Variants in TMEM255B observed in about 807,000 individuals in gnomAD.
TMEM255B encodes the protein transmembrane protein 255B, also known as family with sequence similarity 70, member B.
In TMEM255B, 35 loss-of-function variants were observed where a neutral mutation model predicts 34.5. That is an observed-to-expected ratio of 1.01 (90% CI 0.77 to 1.34). The LOEUF is 1.34. Ranked by LOEUF, TMEM255B falls within the 40% of genes most tolerant of loss-of-function variation. The probability of loss-of-function intolerance (pLI) is 0.00; values close to 1 mark genes in which losing one functional copy is unlikely to be tolerated. For synonymous variants in TMEM255B, 206 were observed against 201.2 expected (o/e 1.02, Z -0.20); for missense variants, 432 against 433.2 (o/e 1.00, Z 0.02).
chr13:113,799,490 G>T lies in TMEM255B; in HGVS notation c.423+71G>T, dbSNP rs1486280321. ...CCGCCGACCCCACGCGGTTTTCCCT[G>T]CACATAGGCGTGGTCTGAATATTTT... On this transcript the variant is annotated intron_variant, in intron 5 of 8. Transcript: ENST00000375353. 1.3e-5 allele frequency: 19 copies of T among 1,408,186 alleles called. No individual in the cohort carries two copies. In the East Asian group the frequency reaches 4.4e-4, roughly 32 times the overall value. The allele number at this position is 1,408,186 out of a possible 1,614,324, so 87.2% of individuals were successfully genotyped here.
intron 3 of TMEM255B, among the ~76,000 whole-genome samples, chr13:113,785,941 C>G (rs1009172547): frequency 6.6e-6 from 1 of 152,180 alleles, no homozygotes; most frequent in Admixed American, 6.5e-5. Flanking sequence ...TGGGCCAGAC[C>G]GTTTGATTCC....
rs1275078437 is a variant in TMEM255B, at chr13:113,804,932, C to T, written c.717C>T (p.Thr239=). 1 of 1,605,290 alleles carries T rather than the reference C, an allele frequency of 6.2e-7. No homozygotes were observed. The highest frequency in any genetic ancestry group is 2.2e-5 in the East Asian group (1 of 44,854). ...LAYGPAVPPQ[T]LYNPAQQILA... ...ATGGCCCAGCCGTCCCACCACAGACCCTCTACAACCCCGCCCAGCAGATCC... is the reference window on the plus strand; with the variant it reads ...ATGGCCCAGCCGTCCCACCACAGACTCTCTACAACCCCGCCCAGCAGATCC... The change falls in exon 8 of 9, where the codon ACC becomes ACT. Residue 239 remains threonine, a synonymous_variant. Coordinates refer to ENST00000375353, the MANE Select transcript of TMEM255B (RefSeq NM_182614.4).
chr13:113,768,511 G>GGCCCCCTCTGTGCCTGGCCCAGGT lies in TMEM255B; in HGVS notation c.190-568_190-545dup, dbSNP rs1054657320. On this transcript the variant is annotated intron_variant, in intron 2 of 8. Transcript: ENST00000375353. ...CCTGGTGGCCTGTGCTGCAGCCCGG[G>GGCCCCCTCTGTGCCTGGCCCAGGT]GCCCCCTCTGTGCCTGGCCCAGGTG... Among the ~76,000 whole-genome samples the GGCCCCCTCTGTGCCTGGCCCAGGT allele has an allele frequency of 5.3e-4, 81 of 152,228 alleles. No homozygotes were observed. In the East Asian group the frequency reaches 0.011, roughly 21 times the overall value.
chr13:113,808,106 CAAT>C (rs1566335291), intron 8 of TMEM255B, among the ~76,000 whole-genome samples: 1 of 152,126 alleles, frequency 6.6e-6, no homozygotes, highest in African/African-American at 2.4e-5. Flanking sequence ...CTCAGAAGAA[CAAT>C]GGAGGAGGGG....
chr13:113,782,455 T>A (rs9577903), intron 3 of TMEM255B, among the ~76,000 whole-genome samples: 62,464 of 152,124 alleles, frequency 0.41, 14,126 homozygotes, highest in East Asian at 0.72. Context: ...TTATGAAAAC[T>A]GTGGTAATCA....
chr13:113,791,069 A>T (rs2050825336), intron 3 of TMEM255B, among the ~76,000 whole-genome samples: 1 of 152,236 alleles, frequency 6.6e-6, no homozygotes, highest in Non-Finnish European at 1.5e-5. Flanking sequence ...GGATGCTCTA[A>T]CAATTCGGTG....
chr13:113,777,201 G>A (rs935341317), intron 3 of TMEM255B, among the ~76,000 whole-genome samples: 4 of 152,116 alleles, frequency 2.6e-5, no homozygotes, highest in Non-Finnish European at 5.9e-5. Flanking sequence ...CGGAGCCTCG[G>A]CATCTGTTAG....
chr13:113,768,103 G>T (rs746523029), intron 2 of TMEM255B: 1 of 434,598 alleles, frequency 2.3e-6, no homozygotes, highest in African/African-American at 2.0e-5. Flanking sequence ...TTGACACCAC[G>T]GCCCCAGCAA....
At chr13:113,785,648 G>A (rs1381986161) in intron 3 of TMEM255B, among the ~76,000 whole-genome samples, 1 of 152,222 alleles carries the variant, frequency 6.6e-6, no homozygotes, top group Non-Finnish European at 1.5e-5. Flanking sequence ...GCTTTCCCTG[G>A]TTTTGAAACC....
intron 4 of TMEM255B, among the ~76,000 whole-genome samples, chr13:113,797,927 T>G (rs1285997677): frequency 6.6e-6 from 1 of 152,260 alleles, no homozygotes; most frequent in Non-Finnish European, 1.5e-5. Flanking sequence ...GGGTCTGTCT[T>G]CTTCACTAGT....
chr13:113,812,299 C>T lies in TMEM255B; in HGVS notation c.*396C>T, dbSNP rs9577862. 0.087 allele frequency: 18,991 copies of T among 218,584 alleles called. 993 individuals are homozygous for T. The highest frequency in any genetic ancestry group is 0.15 in the Admixed American group (2,836 of 19,302). The allele number at this position is 218,584 out of a possible 1,614,324, so 13.5% of individuals were successfully genotyped here. Reference sequence around the variant, plus strand: ...TTGTGGACATGTGTTGTGCGTTACACGTTCGTGTGTGCATCTGTGTCCTGG... The same window carrying T: ...TTGTGGACATGTGTTGTGCGTTACATGTTCGTGTGTGCATCTGTGTCCTGG... On this transcript the variant is annotated 3_prime_UTR_variant, in exon 9 of 9. Coordinates refer to ENST00000375353, the MANE Select transcript of TMEM255B (RefSeq NM_182614.4).
At position 113,813,629 on chromosome 13, in the gene TMEM255B, T is replaced by C. The variant is rs566469729; in HGVS notation, c.*1726T>C. The C allele has an allele frequency of 1.3e-5, 2 of 152,242 alleles. No individual in the cohort carries two copies. Among genetic ancestry groups the C allele is most frequent in the South Asian group, 4.2e-4 (2 of 4,818 alleles). 9.4% of individuals were successfully genotyped at this position (152,242 alleles called of 1,614,324 possible). ...TCCCTCTGCCCGACGGAGGGTCTCA[T>C]CCTGTGTCCAGCGCTCCTGGGCAGA... On this transcript the variant is annotated 3_prime_UTR_variant, in exon 9 of 9. Coordinates refer to ENST00000375353, the MANE Select transcript of TMEM255B (RefSeq NM_182614.4).
At position 113,770,096 on chromosome 13, in the gene TMEM255B, C is replaced by T. The variant is rs921527246; in HGVS notation, c.252+936C>T. ...TTTTCACACTGCTGATAAAGACGTA[C>T]CCAAGACTGGGCAGTTTACAAAAGA... On this transcript the variant is annotated intron_variant, in intron 3 of 8. Coordinates refer to ENST00000375353, the MANE Select transcript of TMEM255B (RefSeq NM_182614.4). The surrounding 1 kb of genome is among the most constrained non-coding windows in gnomAD (Gnocchi z 4.6). Among the ~76,000 whole-genome samples, 2 of 152,150 alleles carry T rather than the reference C, an allele frequency of 1.3e-5. No homozygotes were observed. Among genetic ancestry groups the T allele is most frequent in the Non-Finnish European group, 2.9e-5 (2 of 68,036 alleles).
chr13:113,773,701 G>A (rs75522782), intron 3 of TMEM255B, among the ~76,000 whole-genome samples: 2,213 of 152,284 alleles, frequency 0.015, 62 homozygotes, highest in African/African-American at 0.049. Flanking sequence ...TAATACTTGT[G>A]GTAGCTGGAA....
chr13:113,763,486 G>A (rs1010747300), intron 1 of TMEM255B, among the ~76,000 whole-genome samples: 2 of 151,928 alleles, frequency 1.3e-5, no homozygotes, highest in African/African-American at 4.8e-5. Context: ...CCTGTCTCTC[G>A]GGCAAACGAC....
Position 113,804,992 on chromosome 13 carries a change from C to G in TMEM255B, c.777C>G (p.Pro259=), listed in dbSNP as rs9577888. The change falls in exon 8 of 9, where the codon CCC becomes CCG. Residue 259 remains proline (P), a synonymous_variant. Transcript: ENST00000375353. ...CAGGCTTCCGCCTGACGCCCGAGCCCGTCCCGACCTGCTCGTCCTACCCTC... is the reference window on the plus strand; with the variant it reads ...CAGGCTTCCGCCTGACGCCCGAGCCGGTCCCGACCTGCTCGTCCTACCCTC... ...AYAGFRLTPE[P]VPTCSSYPLP... is the part of the protein sequence containing the mutation. 9.3e-6 allele frequency: 15 copies of G among 1,606,014 alleles called. No individual in the cohort carries two copies. In the African/African-American group the frequency reaches 1.7e-4, roughly 19 times the overall value.
At chr13:113,804,119 C>T (rs1050638576) in intron 7 of TMEM255B, among the ~76,000 whole-genome samples, 11 of 152,212 alleles carry the variant, frequency 7.2e-5, no homozygotes, top group African/African-American at 2.2e-4. Flanking sequence ...GCCCAGTCCC[C>T]GCGTTTCTGG....
rs2051392112 is a variant in TMEM255B at position 113,815,526 on chromosome 13, G to A, written c.*3623G>A. 1 of 152,310 alleles carries A rather than the reference G, an allele frequency of 6.6e-6. No homozygotes were observed. The highest frequency in any genetic ancestry group is 2.4e-5 in the African/African-American group (1 of 41,448). The allele number at this position is 152,310 out of a possible 1,614,324, so 9.4% of individuals were successfully genotyped here. Reference sequence around the variant, plus strand: ...GGAGGTAATTGAATCATGGTGGCTGGTCTTTCCCGTGCTATTCTCGTGATA... The same window carrying A: ...GGAGGTAATTGAATCATGGTGGCTGATCTTTCCCGTGCTATTCTCGTGATA... On this transcript the variant is annotated 3_prime_UTR_variant, in exon 9 of 9. Transcript: ENST00000375353.
chr13:113,799,177 G>A (rs913772776), intron 4 of TMEM255B, among the ~76,000 whole-genome samples, 162 bp from the exon 5 acceptor site: 6 of 152,236 alleles, frequency 3.9e-5, no homozygotes, highest in African/African-American at 1.2e-4. Context: ...TGCAGGGAGC[G>A]TGGAGTCTCC....
Sources: allele counts gnomAD v4.1 joint callset (sites outside exome capture counted in the v4.1 genomes callset), GRCh38; gene constraint gnomAD v4.1.1; non-coding constraint Gnocchi (gnomAD v3.1); transcripts MANE v1.5; gene names NCBI Gene and HGNC (gene_info 2026-07-23, HGNC 2026-07-21).